The following CRIPTO variants were observed in gnomAD, a reference collection of about 807,000 sequenced individuals.
CRIPTO encodes the protein protein Cripto.
the CRIPTO span, chr3:46,579,822 G>T: frequency 1.2e-6 from 2 of 1,613,942 alleles, no homozygotes; most frequent in East Asian, 2.2e-5. Context: ...CTCCTTCTAC[G>T]GACGGAACTG....
chr3:46,580,224 G>A, the CRIPTO span: 1 of 881,498 alleles, frequency 1.1e-6, no homozygotes, highest in Non-Finnish European at 1.8e-6. Context: ...TAGTTGCCTT[G>A]GCCTCTTTGA....
the CRIPTO span, among the ~76,000 whole-genome samples, chr3:46,578,578 G>A: frequency 6.6e-6 from 1 of 152,006 alleles, no homozygotes. Flanking sequence ...GCATGGTGGC[G>A]GGCACCTGTA....
chr3:46,580,249 G>A, the CRIPTO span: 1 of 741,852 alleles, frequency 1.3e-6, no homozygotes, highest in Non-Finnish European at 2.3e-6. Context: ...TATTTCCTCG[G>A]GAACCTGGCT....
chr3:46,581,713 A>G, the CRIPTO span: 5 of 438,436 alleles, frequency 1.1e-5, no homozygotes, highest in Admixed American at 8.1e-5. Context: ...GGGTTTCACC[A>G]TATTGGCCAG....
the CRIPTO span, chr3:46,581,249 A>G: frequency 6.2e-7 from 1 of 1,605,846 alleles, no homozygotes; most frequent in African/African-American, 1.3e-5. Flanking sequence ...AGCTACTATT[A>G]ATCGACATTG....
the CRIPTO span, chr3:46,582,026 C>T: frequency 6.6e-6 from 1 of 152,174 alleles, no homozygotes; most frequent in Admixed American, 6.5e-5. Flanking sequence ...AATGGAAGTC[C>T]ATCTGCGTGT....
chr3:46,578,463 C>T, the CRIPTO span, among the ~76,000 whole-genome samples: 1 of 152,012 alleles, frequency 6.6e-6, no homozygotes, highest in Non-Finnish European at 1.5e-5. Flanking sequence ...GCCTGTAATC[C>T]TAGCACTTTG....
chr3:46,577,556 G>T, the CRIPTO span: 3 of 203,426 alleles, frequency 1.5e-5, no homozygotes, highest in Admixed American at 1.6e-4. Context: ...TTTCCCAAAA[G>T]AGTACCTCTG....
the CRIPTO span, chr3:46,578,102 C>G: frequency 7.1e-7 from 1 of 1,403,948 alleles, no homozygotes; most frequent in South Asian, 1.2e-5. Context: ...TTCTCTTGCT[C>G]AAGCCTTAAA....
the CRIPTO span, chr3:46,579,354 G>A: frequency 6.2e-7 from 1 of 1,614,056 alleles, no homozygotes; most frequent in Non-Finnish European, 8.5e-7. Context: ...GCCGCCCATG[G>A]GGATACAGCA....
the CRIPTO span, among the ~76,000 whole-genome samples, chr3:46,575,186 A>G: frequency 2.6e-5 from 4 of 152,190 alleles, no homozygotes; most frequent in Non-Finnish European, 4.4e-5. Context: ...AGGCAGCAAC[A>G]ACTTTTTGCA....
the CRIPTO span, among the ~76,000 whole-genome samples, chr3:46,576,682 TG>T: frequency 6.6e-6 from 1 of 152,108 alleles, no homozygotes; most frequent in African/African-American, 2.4e-5. Flanking sequence ...TTCGCATTTG[TG>T]TGCCTGGCAA....
the CRIPTO span, chr3:46,579,367 G>A: frequency 1.2e-5 from 19 of 1,614,122 alleles, no homozygotes; most frequent in South Asian, 1.6e-4. Context: ...ATACAGCACA[G>A]TAAGAACTGC....
chr3:46,576,117 A>G, the CRIPTO span, among the ~76,000 whole-genome samples: 1 of 152,128 alleles, frequency 6.6e-6, no homozygotes, highest in Admixed American at 6.5e-5. Context: ...GCATCCCACC[A>G]TTGACTGGAT....
At chr3:46,575,240 C>T in the CRIPTO span, among the ~76,000 whole-genome samples, 2 of 152,226 alleles carry the variant, frequency 1.3e-5, no homozygotes, top group Admixed American at 6.5e-5. Flanking sequence ...TTCTCTCCAG[C>T]CTCACAGTGG....
chr3:46,579,156 C>T, the CRIPTO span: 8 of 1,614,002 alleles, frequency 5.0e-6, no homozygotes, highest in Non-Finnish European at 6.8e-6. Context: ...CGGTGAGAGA[C>T]CTTTTGTTCT....
the CRIPTO span, among the ~76,000 whole-genome samples, chr3:46,574,831 C>T: frequency 6.6e-6 from 1 of 152,334 alleles, no homozygotes; most frequent in African/African-American, 2.4e-5. Flanking sequence ...TTTCATTCCA[C>T]CATTCTTGTT....
the CRIPTO span, chr3:46,580,164 C>A: frequency 4.1e-6 from 6 of 1,477,646 alleles, no homozygotes; most frequent in East Asian, 2.4e-5. Flanking sequence ...CTTGCTAGAG[C>A]CTGGCAGCCA....
the CRIPTO span, chr3:46,578,042 C>G: frequency 6.2e-7 from 1 of 1,607,262 alleles, no homozygotes; most frequent in African/African-American, 1.3e-5. Flanking sequence ...TTTTTGATTG[C>G]TAGAGATTGC....
Sources: allele counts gnomAD v4.1 joint callset (sites outside exome capture counted in the v4.1 genomes callset), GRCh38; gene constraint gnomAD v4.1.1; transcripts MANE v1.5; gene names NCBI Gene and HGNC (gene_info 2026-07-23, HGNC 2026-07-21).